The following ZNF480 variants were observed in gnomAD, a reference collection of about 807,000 sequenced individuals.
ZNF480 encodes the protein zinc finger protein 480.
In ZNF480, 15 loss-of-function variants were observed where a neutral mutation model predicts 14.4. The ratio of observed to expected loss-of-function variants is 1.04; its 90% confidence interval spans 0.70 to 1.60. The LOEUF (loss-of-function observed/expected upper bound fraction) is 1.60, where lower values mean the gene tolerates loss of function less well. Ranked by LOEUF, ZNF480 falls within the 40% of genes most tolerant of loss-of-function variation. The probability of loss-of-function intolerance (pLI) is 0.00; values close to 1 mark genes in which losing one functional copy is unlikely to be tolerated. For missense variants in ZNF480, 593 were observed against 629.7 expected, an observed-to-expected ratio of 0.94 and a Z score of 0.62; for synonymous variants, 218 against 215.5, an observed-to-expected ratio of 1.01 and a Z score of -0.10.
In ZNF480 at chr19:52,300,500, C is replaced by T. The variant is rs767395686; in HGVS notation, c.72+16C>T. The T allele has an allele frequency of 9.9e-6, 16 of 1,609,210 alleles. No individual in the cohort carries two copies. Among genetic ancestry groups the T allele is most frequent in the East Asian group, 2.2e-5 (1 of 44,878 alleles). On this transcript the variant is annotated intron_variant, in intron 2 of 4. Transcript: ENST00000595962. ...TCTTCCTCAGGTGAGATGATATTCTCGGTGGATTGTTCTGTCTCCTTTCTT... is the reference window on the plus strand; with the variant it reads ...TCTTCCTCAGGTGAGATGATATTCTTGGTGGATTGTTCTGTCTCCTTTCTT...
chr19:52,300,190 A>G (rs1366656965), intron 1 of ZNF480, among the ~76,000 whole-genome samples: 1 of 152,166 alleles, frequency 6.6e-6, no homozygotes, highest in African/African-American at 2.4e-5. Context: ...GGGCATCTCT[A>G]GGAGGGGAGC....
At chr19:52,312,494 C>G (rs762317481) in intron 2 of ZNF480, among the ~76,000 whole-genome samples, 1 of 152,098 alleles carries the variant, frequency 6.6e-6, no homozygotes, top group Non-Finnish European at 1.5e-5. Flanking sequence ...TGATTTTATC[C>G]CTAAACTTGT....
intron 1 of ZNF480, among the ~76,000 whole-genome samples, chr19:52,299,750 A>G (rs1312346806): frequency 1.3e-5 from 2 of 151,914 alleles, no homozygotes; most frequent in Non-Finnish European, 2.9e-5. Context: ...CTGGAGTGCA[A>G]TGGCATGATC....
chr19:52,304,251 C>T (rs1568629804), intron 2 of ZNF480, among the ~76,000 whole-genome samples: 1 of 152,192 alleles, frequency 6.6e-6, no homozygotes, highest in Non-Finnish European at 1.5e-5. Flanking sequence ...AGTAAAGAAA[C>T]AGTCTTTTAA....
chr19:52,300,258 C>T, intron 1 of ZNF480, 136 bp from the exon 2 acceptor site: 1 of 925,902 alleles, frequency 1.1e-6, no homozygotes, highest in South Asian at 1.7e-5. Context: ...AGTTTCTTGT[C>T]TCTGCATCAA....
At position 52,314,233 on chromosome 19, in the gene ZNF480, A is replaced by G; in HGVS notation, c.153A>G (p.Leu51=). The change falls in exon 3 of 5, where the codon TTA becomes TTG. Residue 51 remains leucine, a synonymous_variant. Transcript: ENST00000595962. The part of the protein sequence containing the change: ...WKCLDPAQRA[L]YKDVMLENYR... Reference sequence around the variant, plus strand: ...GCCTGGACCCTGCACAGAGGGCTTTATACAAGGATGTGATGTTGGAGAACT... The same window carrying G: ...GCCTGGACCCTGCACAGAGGGCTTTGTACAAGGATGTGATGTTGGAGAACT... 6.3e-7 allele frequency: 1 copy of G among 1,582,316 alleles called. No homozygotes were observed. The highest frequency in any genetic ancestry group is 1.1e-5 in the South Asian group (1 of 90,780).
chr19:52,315,730 A>C (rs1294689109), intron 3 of ZNF480, 104 bp from the exon 4 acceptor site: 1 of 1,366,252 alleles, frequency 7.3e-7, no homozygotes, highest in Non-Finnish European at 9.9e-7. Context: ...GAATTTGTGA[A>C]ATATTATTCT....
intron 4 of ZNF480, among the ~76,000 whole-genome samples, 186 bp from the exon 5 acceptor site, chr19:52,321,393 A>G (rs2122562483): frequency 6.6e-6 from 1 of 152,222 alleles, no homozygotes. Context: ...ACTCCTACAG[A>G]TTTCCCAGAA....
At chr19:52,320,933 T>C (rs530484306) in intron 4 of ZNF480, among the ~76,000 whole-genome samples, 2 of 152,136 alleles carry the variant, frequency 1.3e-5, no homozygotes, top group Non-Finnish European at 2.9e-5. Flanking sequence ...AGCTACACTA[T>C]ACCACTGCAC....
At position 52,322,848 on chromosome 19, in the gene ZNF480, A is replaced by G. The variant is rs760378021; in HGVS notation, c.1598A>G (p.His533Arg). 12 of 1,576,768 alleles carry G rather than the reference A, an allele frequency of 7.6e-6. No homozygotes were observed. The highest frequency in any genetic ancestry group is 2.3e-5 in the East Asian group (1 of 44,406). Residue 533 changes from histidine to arginine, a missense_variant, in exon 5 of 5, where the codon CAT becomes CGT. His to Arg is a conservative substitution (Grantham distance 29). Coordinates refer to ENST00000595962, the MANE Select transcript of ZNF480 (RefSeq NM_144684.4). ...ISYLAQHWTI[H>R]MG The stretch of plus-strand genomic sequence containing the variant: ...TACCTAGCACAACATTGGACAATTC[A>G]TATGGGATAGAAACTACAAATGCAA...
In ZNF480 at chr19:52,314,145, C is replaced by T. The variant is rs1455547513; in HGVS notation, c.73-8C>T. 6.4e-7 allele frequency: 1 copy of T among 1,555,360 alleles called. No individual in the cohort carries two copies. Among genetic ancestry groups the T allele is most frequent in the Admixed American group, 1.7e-5 (1 of 57,258 alleles). The stretch of plus-strand genomic sequence containing the variant: ...TATCCTGTTGGTGAAATGTGGTTTT[C>T]ATTTTAGGGACACTTAACATTCAGG... On this transcript the variant is annotated splice_region_variant and splice_polypyrimidine_tract_variant and intron_variant, in intron 2 of 4. Transcript: ENST00000595962.
At chr19:52,302,383 G>C (rs1029957726) in intron 2 of ZNF480, among the ~76,000 whole-genome samples, 2 of 152,176 alleles carry the variant, frequency 1.3e-5, no homozygotes, top group African/African-American at 4.8e-5. Flanking sequence ...TGTAATTGCT[G>C]TTTTAGGGAG....
intron 2 of ZNF480, chr19:52,300,710 CA>C (rs1423475387): frequency 1.3e-5 from 9 of 690,960 alleles, no homozygotes; most frequent in African/African-American, 9.0e-5. Context: ...AAAGTGGGAT[CA>C]GGGGCCAACA....
At position 52,321,560 on chromosome 19, in the gene ZNF480, T is replaced by A. The variant is rs767151639; in HGVS notation, c.329-19T>A. 6.5e-7 allele frequency: 1 copy of A among 1,544,520 alleles called. No individual in the cohort carries two copies. Among genetic ancestry groups the A allele is most frequent in the South Asian group, 1.3e-5 (1 of 79,106 alleles). ...CAGAATTATGGGGTCTGAATTTTACTTTTTTCTTGCTTTCCTAGGGAGCAG... is the reference window on the plus strand; with the variant it reads ...CAGAATTATGGGGTCTGAATTTTACATTTTTCTTGCTTTCCTAGGGAGCAG... On this transcript the variant is annotated intron_variant, in intron 4 of 4. Transcript: ENST00000595962.
intron 2 of ZNF480, among the ~76,000 whole-genome samples, chr19:52,312,967 CCCA>C (rs1983360996): frequency 6.6e-6 from 1 of 151,256 alleles, no homozygotes; most frequent in South Asian, 2.1e-4. Flanking sequence ...ATTACAGGCA[CCCA>C]CCAGTACCCC....
At position 52,325,678 on chromosome 19, in the gene ZNF480, A is replaced by G. The variant is rs544787761; in HGVS notation, c.*2820A>G. On this transcript the variant is annotated 3_prime_UTR_variant, in exon 5 of 5. Coordinates refer to ENST00000595962, the MANE Select transcript of ZNF480 (RefSeq NM_144684.4). ...AATTAATGCAGGAACAGAAAATGAA[A>G]TATCCCATGTTCTCACTTATAAGTG... 1.1e-4 allele frequency: 16 copies of G among 152,346 alleles called. No homozygotes were observed. Among genetic ancestry groups the G allele is most frequent in the African/African-American group, 3.1e-4 (13 of 41,590 alleles). 9.4% of individuals were successfully genotyped at this position (152,346 alleles called of 1,614,324 possible). A position where few individuals can be genotyped will look rare whatever the true frequency, so the allele number is the denominator to read the frequency against.
chr19:52,318,795 C>T (rs1351723651), intron 4 of ZNF480, among the ~76,000 whole-genome samples: 6 of 152,080 alleles, frequency 3.9e-5, no homozygotes, highest in African/African-American at 1.4e-4. Flanking sequence ...ATGGTCTTGA[C>T]ATTTTGATTG....
intron 2 of ZNF480, among the ~76,000 whole-genome samples, chr19:52,309,680 G>C (rs1555798283): frequency 6.6e-6 from 1 of 152,210 alleles, no homozygotes; most frequent in South Asian, 2.1e-4. Context: ...TGGTGGGCGT[G>C]TGTCACATTT....
chr19:52,300,557 T>G, intron 2 of ZNF480, 73 bp downstream of exon 2: 2 of 1,597,908 alleles, frequency 1.3e-6, no homozygotes, highest in Non-Finnish European at 1.7e-6. Flanking sequence ...GTTGGGAGTC[T>G]TCTCTGAGTC....
Sources: allele counts gnomAD v4.1 joint callset (sites outside exome capture counted in the v4.1 genomes callset), GRCh38; gene constraint gnomAD v4.1.1; transcripts MANE v1.5; gene names NCBI Gene and HGNC (gene_info 2026-07-23, HGNC 2026-07-21).